ST6GALNAC3: variants seen among roughly 807,000 people sequenced by gnomAD.
ST6GALNAC3 encodes the protein alpha-N-acetylgalactosaminide alpha-2,6-sialyltransferase 3.
Under a neutral mutation model 32.7 loss-of-function variants are expected in ST6GALNAC3, and 25 were observed. That is an observed-to-expected ratio of 0.76 (90% CI 0.56 to 1.07). ST6GALNAC3 has a LOEUF of 1.07. Ranked by LOEUF, ST6GALNAC3 falls within the 50% of genes least tolerant of loss-of-function variation. The pLI, the probability that ST6GALNAC3 is intolerant of heterozygous loss-of-function variation, is 0.00. For synonymous variants in ST6GALNAC3, 129 were observed against 133.1 expected (o/e 0.97, Z 0.21); for missense variants, 355 against 382.4 (o/e 0.93, Z 0.60).
intron 1 of ST6GALNAC3, among the ~76,000 whole-genome samples, chr1:76,302,571 G>A (rs1255828912): frequency 6.6e-6 from 1 of 151,912 alleles, no homozygotes; most frequent in Non-Finnish European, 1.5e-5. Flanking sequence ...GTCTCTTATA[G>A]CTGATGAACT....
In ST6GALNAC3 at chr1:76,121,017, C is replaced by T. The variant is rs146608764; in HGVS notation, c.18+46133C>T. 4.1e-4 allele frequency among the ~76,000 whole-genome samples: 63 copies of T among 152,272 alleles called. 4 individuals are homozygous for T. Among genetic ancestry groups the T allele is most frequent in the African/African-American group, 1.3e-3 (56 of 41,548 alleles). ...GACCTCTGCTTTCATCATCACATCT[C>T]CTTCTCTGACTCTGGCCCTCCTTTC... On this transcript the variant is annotated intron_variant, in intron 1 of 4. Coordinates refer to ENST00000328299, the MANE Select transcript of ST6GALNAC3 (RefSeq NM_152996.4).
intron 3 of ST6GALNAC3, among the ~76,000 whole-genome samples, chr1:76,533,556 C>T (rs545666962): frequency 6.6e-6 from 1 of 152,238 alleles, no homozygotes; most frequent in Admixed American, 6.5e-5. Context: ...CTGAGGATTC[C>T]CCTAAGAGAC....
intron 1 of ST6GALNAC3, among the ~76,000 whole-genome samples, chr1:76,242,033 G>A (rs1425830996): frequency 6.6e-6 from 1 of 152,174 alleles, no homozygotes; most frequent in African/African-American, 2.4e-5. Flanking sequence ...TTGCAGGGCT[G>A]TAATTGGGAT....
Position 76,360,691 on chromosome 1 carries a change from C to T in ST6GALNAC3, c.213+46692C>T, listed in dbSNP as rs147234208. 3.4e-3 allele frequency among the ~76,000 whole-genome samples: 522 copies of T among 152,278 alleles called. 3 individuals are homozygous for T. The highest frequency in any genetic ancestry group is 0.012 in the African/African-American group (504 of 41,554). On this transcript the variant is annotated intron_variant, in intron 2 of 4. Coordinates refer to ENST00000328299, the MANE Select transcript of ST6GALNAC3 (RefSeq NM_152996.4). The stretch of plus-strand genomic sequence containing the variant: ...TTATGCATTAATTTGATTGCATGCT[C>T]TGCAGTATATTGTGTATGTGTTGTG...
At chr1:76,139,151 G>A (rs919905680) in intron 1 of ST6GALNAC3, among the ~76,000 whole-genome samples, 2 of 151,074 alleles carry the variant, frequency 1.3e-5, no homozygotes, top group Admixed American at 6.6e-5. Flanking sequence ...CCGAGATCGC[G>A]CCACTGCACT....
chr1:76,369,857 C>A (rs1328376484), intron 2 of ST6GALNAC3, among the ~76,000 whole-genome samples: 2 of 152,118 alleles, frequency 1.3e-5, no homozygotes, highest in African/African-American at 4.8e-5. Flanking sequence ...TCAAGATATT[C>A]TGAGCCTTGA....
At chr1:76,599,503 C>A (rs2100620606) in intron 3 of ST6GALNAC3, among the ~76,000 whole-genome samples, 1 of 150,080 alleles carries the variant, frequency 6.7e-6, no homozygotes, top group African/African-American at 2.4e-5. Flanking sequence ...TCCATGTGTT[C>A]TTATTGTTCA....
chr1:76,211,035 T>A (rs1655125066), intron 1 of ST6GALNAC3, among the ~76,000 whole-genome samples: 1 of 152,202 alleles, frequency 6.6e-6, no homozygotes, highest in South Asian at 2.1e-4. Context: ...CTCTTCCTCT[T>A]CTTATGGGGA....
At chr1:76,397,129 C>G (rs948305873) in intron 2 of ST6GALNAC3, among the ~76,000 whole-genome samples, 5 of 151,846 alleles carry the variant, frequency 3.3e-5, no homozygotes, top group African/African-American at 9.7e-5. Context: ...ATTACCATAG[C>G]AGTAAAGGAA....
At chr1:76,354,385 G>A (rs753876681) in intron 2 of ST6GALNAC3, 2 of 152,140 alleles carry the variant, frequency 1.3e-5, no homozygotes, top group African/African-American at 2.4e-5. Context: ...TCAGTTCCGT[G>A]AAAAAAGAGA....
chr1:76,541,722 A>G (rs1277732544), intron 3 of ST6GALNAC3, among the ~76,000 whole-genome samples: 1 of 152,180 alleles, frequency 6.6e-6, no homozygotes, highest in African/African-American at 2.4e-5. Flanking sequence ...TGTTCTAGAA[A>G]ATGAAGCACA....
chr1:76,290,416 C>T (rs1660017824), intron 1 of ST6GALNAC3, among the ~76,000 whole-genome samples: 1 of 152,004 alleles, frequency 6.6e-6, no homozygotes, highest in Non-Finnish European at 1.5e-5. Context: ...GACTGCATGC[C>T]CATGGAATGA....
rs1663235469 is a variant in ST6GALNAC3 at position 76,531,263 on chromosome 1, T to C, written c.624-96189T>C. On this transcript the variant is annotated intron_variant, in intron 3 of 4. Coordinates refer to ENST00000328299, the MANE Select transcript of ST6GALNAC3 (RefSeq NM_152996.4). The stretch of plus-strand genomic sequence containing the variant: ...TGCCCCTTCCTTAAAAAGCAGGCTT[T>C]TGTTTTTATTAGCATGTGTAAATAT... Among the ~76,000 whole-genome samples, 2 of 152,330 alleles carry C rather than the reference T, an allele frequency of 1.3e-5. 1 individual carries two copies. Among genetic ancestry groups the C allele is most frequent in the Non-Finnish European group, 2.9e-5 (2 of 68,014 alleles).
intron 1 of ST6GALNAC3, among the ~76,000 whole-genome samples, chr1:76,152,601 A>G (rs1651115361): frequency 6.6e-6 from 1 of 152,212 alleles, no homozygotes; most frequent in Non-Finnish European, 1.5e-5. Context: ...AGGCTGTGCC[A>G]AGGACAAAAC....
intron 3 of ST6GALNAC3, among the ~76,000 whole-genome samples, chr1:76,590,702 C>G (rs1441691134): frequency 6.6e-6 from 1 of 152,084 alleles, no homozygotes; most frequent in Non-Finnish European, 1.5e-5. Context: ...TTTAAAATAG[C>G]TCTAAATTAG....
intron 3 of ST6GALNAC3, among the ~76,000 whole-genome samples, chr1:76,465,600 G>T (rs902330358): frequency 6.6e-6 from 1 of 152,080 alleles, no homozygotes; most frequent in Non-Finnish European, 1.5e-5. Flanking sequence ...ATTTGAGAAG[G>T]TAGAACTACA....
At chr1:76,201,407 C>G (rs1654510109) in intron 1 of ST6GALNAC3, among the ~76,000 whole-genome samples, 1 of 152,158 alleles carries the variant, frequency 6.6e-6, no homozygotes, top group Admixed American at 6.5e-5. Context: ...AAAATCCACC[C>G]CCATGATTCA....
intron 3 of ST6GALNAC3, among the ~76,000 whole-genome samples, chr1:76,623,567 G>A (rs868252650): frequency 7.9e-5 from 12 of 151,976 alleles, no homozygotes; most frequent in South Asian, 2.1e-4. Flanking sequence ...TTAGTGCTGC[G>A]TGCATGAGTG....
chr1:76,562,402 A>G (rs1665295270), intron 3 of ST6GALNAC3, among the ~76,000 whole-genome samples: 1 of 152,208 alleles, frequency 6.6e-6, no homozygotes, highest in African/African-American at 2.4e-5. Flanking sequence ...GCAGGGCTTG[A>G]ACTACCATAG....
Sources: gnomAD v4.1 joint callset for allele counts (sites outside exome capture counted in the v4.1 genomes callset) on GRCh38, gnomAD v4.1.1 for gene constraint, MANE v1.5 for transcripts, NCBI Gene and HGNC (gene_info 2026-07-23, HGNC 2026-07-21) for gene names.